The following TMEM236 variants were observed in gnomAD, a reference collection of about 807,000 sequenced individuals.
TMEM236 encodes the protein family with sequence similarity 23, member A.
A neutral mutation model predicts 14.7 loss-of-function variants in TMEM236; 11 were observed. That is an observed-to-expected ratio of 0.75 (90% CI 0.47 to 1.24). The LOEUF is 1.24. Among genes scored for constraint, TMEM236 ranks in the 50% most tolerant of loss-of-function variants. The pLI is 0.00. For synonymous variants in TMEM236, 182 were observed against 168.6 expected (o/e 1.08, Z -0.62); for missense variants, 464 against 427.3 (o/e 1.09, Z -0.76).
At chr10:17,763,272 C>T (rs1423825935) in intron 1 of TMEM236, among the ~76,000 whole-genome samples, 2 of 151,808 alleles carry the variant, frequency 1.3e-5, no homozygotes, top group Non-Finnish European at 2.9e-5. Flanking sequence ...GGCAACACAG[C>T]GAGACCCTGT....
rs1346843741 is a variant in TMEM236 at position 17,752,499 on chromosome 10, T to C, written c.204T>C (p.Pro68=). The part of the protein sequence containing the change: ...VALVTLLIWV[P]VKVILHKKRY... ...TAGTGACTCTACTGATCTGGGTTCC[T>C]GTAAAAGTTATCCTGCACAAGAAAC... Residue 68 remains proline, a synonymous_variant, in exon 1 of 4, where the codon CCT becomes CCC. Transcript: ENST00000377495. The C allele has an allele frequency of 2.5e-5, 41 of 1,613,868 alleles. No individual in the cohort carries two copies. The East Asian group carries it at 8.9e-4, about 35-fold the overall frequency.
Position 17,752,265 on chromosome 10 carries a change from C to T in TMEM236, c.-31C>T. 6.8e-6 allele frequency: 11 copies of T among 1,613,856 alleles called. No homozygotes were observed. Among genetic ancestry groups the T allele is most frequent in the Non-Finnish European group, 9.3e-6 (11 of 1,179,844 alleles). On this transcript the variant is annotated 5_prime_UTR_variant, in exon 1 of 4. Coordinates refer to ENST00000377495, the MANE Select transcript of TMEM236 (RefSeq NM_001098844.3). ...GCTGCCCACAGTCAAAGAGGGAGTC[C>T]CAGGTTCTTGGCAGCTTGCTTTTCC...
rs1331346616 is a variant in TMEM236, at chr10:17,797,668, A to T, written c.*1164A>T. The T allele has an allele frequency of 1.3e-5, 2 of 152,166 alleles. No homozygotes were observed. The highest frequency in any genetic ancestry group is 4.8e-5 in the African/African-American group (2 of 41,448). The allele number at this position is 152,166 out of a possible 1,614,324, so 9.4% of individuals were successfully genotyped here. A position where few individuals can be genotyped will look rare whatever the true frequency, so the allele number is the denominator to read the frequency against. ...AAGGTGGAATTATATTCTTTATTCC[A>T]TTGTGGCAAGGGACTTTTATTCAAT... On this transcript the variant is annotated 3_prime_UTR_variant, in exon 4 of 4. Coordinates refer to ENST00000377495, the MANE Select transcript of TMEM236 (RefSeq NM_001098844.3).
At chr10:17,787,540 C>T (rs914787164) in intron 3 of TMEM236, among the ~76,000 whole-genome samples, 1 of 152,224 alleles carries the variant, frequency 6.6e-6, no homozygotes, top group Admixed American at 6.5e-5. Flanking sequence ...GCTTTGGCTT[C>T]CTTGCCTTAG....
At chr10:17,776,215 T>G in intron 3 of TMEM236, 45 bp downstream of exon 3, 1 of 1,570,130 alleles carries the variant, frequency 6.4e-7, no homozygotes, top group Non-Finnish European at 8.8e-7. Context: ...GTTTGATATA[T>G]TTTTCACATT....
chr10:17,795,875 G>T (rs1346566685), intron 3 of TMEM236, 46 bp from the exon 4 acceptor site: 21 of 1,568,238 alleles, frequency 1.3e-5, no homozygotes, highest in South Asian at 8.9e-5. Context: ...GAGCTAAAAT[G>T]GATACATTTT....
intron 3 of TMEM236, among the ~76,000 whole-genome samples, chr10:17,780,833 G>T (rs904915925): frequency 1.9e-3 from 282 of 152,228 alleles, no homozygotes; most frequent in African/African-American, 5.7e-3. Flanking sequence ...GAGACAGAGG[G>T]GCTCCTAAAT....
At chr10:17,778,569 G>A (rs1354393959) in intron 3 of TMEM236, among the ~76,000 whole-genome samples, 1 of 152,104 alleles carries the variant, frequency 6.6e-6, no homozygotes, top group Non-Finnish European at 1.5e-5. Flanking sequence ...GACTAGAGGC[G>A]GGGGATGAAC....
intron 1 of TMEM236, among the ~76,000 whole-genome samples, chr10:17,761,377 A>G (rs1589139520): frequency 6.6e-6 from 1 of 152,072 alleles, no homozygotes; most frequent in Admixed American, 6.5e-5. Context: ...GTCCTTGTCA[A>G]TAAGGTAATT....
intron 1 of TMEM236, among the ~76,000 whole-genome samples, chr10:17,763,678 G>C (rs1837412634): frequency 6.6e-6 from 1 of 152,158 alleles, no homozygotes; most frequent in Non-Finnish European, 1.5e-5. Context: ...GTGTGGGAGG[G>C]CATCCAGAGG....
At position 17,800,704 on chromosome 10, in the gene TMEM236, A is replaced by G. The variant is rs1170821804; in HGVS notation, c.*4200A>G. On this transcript the variant is annotated 3_prime_UTR_variant, in exon 4 of 4. Transcript: ENST00000377495. Reference sequence around the variant, plus strand: ...GTGAATATATCAATAGTTGTTCACAAAAAGAGCAATATACCACTTAGAAGC... The same window carrying G: ...GTGAATATATCAATAGTTGTTCACAGAAAGAGCAATATACCACTTAGAAGC... 9 of 152,336 alleles carry G rather than the reference A, an allele frequency of 5.9e-5. No homozygotes were observed. The highest frequency in any genetic ancestry group is 1.9e-4 in the East Asian group (1 of 5,188). The allele number at this position is 152,336 out of a possible 1,614,324, so 9.4% of individuals were successfully genotyped here.
rs1838005168 is a variant in TMEM236, at chr10:17,795,961, C to T, written c.513C>T (p.His171=). 1.2e-6 allele frequency: 2 copies of T among 1,613,726 alleles called. No homozygotes were observed. The highest frequency in any genetic ancestry group is 1.7e-6 in the Non-Finnish European group (2 of 1,179,868). The change falls in exon 4 of 4, where the codon CAC becomes CAT. Residue 171 remains histidine (H), a synonymous_variant. Transcript: ENST00000377495. The part of the protein sequence containing the change: ...NGHIHSTSLQ[H]IKTVTEQVRQ... ...ACATCCATTCAACCTCTTTGCAACA[C>T]ATAAAAACTGTGACGGAGCAAGTGA...
At chr10:17,774,964 A>AT (rs1418496093) in intron 2 of TMEM236, among the ~76,000 whole-genome samples, 22 of 151,710 alleles carry the variant, frequency 1.5e-4, no homozygotes, top group African/African-American at 3.6e-4. Flanking sequence ...TGCCTGGCTA[A>AT]TTTTTTTTGT....
intron 3 of TMEM236, among the ~76,000 whole-genome samples, chr10:17,790,425 G>C (rs1013631777): frequency 6.6e-6 from 1 of 152,024 alleles, no homozygotes; most frequent in East Asian, 1.9e-4. Flanking sequence ...GGATGAATGA[G>C]TGAGCCTGTA....
intron 1 of TMEM236, among the ~76,000 whole-genome samples, chr10:17,763,693 G>C (rs995398498): frequency 2.6e-5 from 4 of 152,128 alleles, no homozygotes; most frequent in Non-Finnish European, 4.4e-5. Context: ...CAGAGGAGGA[G>C]GATGAGTATG....
Position 17,796,513 on chromosome 10 carries a change from TG to T in TMEM236, c.*12del. The T allele has an allele frequency of 6.3e-7, 1 of 1,599,154 alleles. No homozygotes were observed. The highest frequency in any genetic ancestry group is 8.6e-7 in the Non-Finnish European group (1 of 1,166,524). On this transcript the variant is annotated 3_prime_UTR_variant, in exon 4 of 4. Transcript: ENST00000377495. ...AAATGTCTCCATTTTAAAAAGGAAA[TG>T]GGATCTAGTAAGGCCTCTTTGTGAT...
chr10:17,767,358 G>C (rs1837484393), intron 1 of TMEM236, among the ~76,000 whole-genome samples: 1 of 152,180 alleles, frequency 6.6e-6, no homozygotes, highest in Non-Finnish European at 1.5e-5. Flanking sequence ...CTACTCAGGA[G>C]GCCGAGGCAG....
chr10:17,786,715 A>T (rs1216814426), intron 3 of TMEM236, among the ~76,000 whole-genome samples: 1 of 152,214 alleles, frequency 6.6e-6, no homozygotes, highest in Non-Finnish European at 1.5e-5. Context: ...GATCACAAAC[A>T]TGATCTTCTT....
chr10:17,764,838 T>C (rs1019643776), intron 1 of TMEM236, among the ~76,000 whole-genome samples: 2 of 46,576 alleles, frequency 4.3e-5, no homozygotes, highest in African/African-American at 7.2e-5. Context: ...AGATTTTCCC[T>C]TTTTTTTTTT....
Sources: gnomAD v4.1 joint callset for allele counts (sites outside exome capture counted in the v4.1 genomes callset) on GRCh38, gnomAD v4.1.1 for gene constraint, MANE v1.5 for transcripts, NCBI Gene and HGNC (gene_info 2026-07-23, HGNC 2026-07-21) for gene names.